The following NKAIN3 variants were observed in gnomAD, a reference collection of about 807,000 sequenced individuals.
NKAIN3 encodes sodium/potassium-transporting ATPase subunit beta-1-interacting protein 3.
NKAIN3 carries 25 observed loss-of-function variants against 30.2 expected under a neutral mutation model. The observed-to-expected ratio is 0.83, with a 90% CI of 0.60 to 1.16. The LOEUF (loss-of-function observed/expected upper bound fraction) is 1.16. Ranked by LOEUF, NKAIN3 falls within the 50% of genes most tolerant of loss-of-function variation. The probability of loss-of-function intolerance (pLI) is 0.00; values close to 1 mark genes in which losing one functional copy is unlikely to be tolerated. For synonymous variants in NKAIN3, 91 were observed against 89.6 expected, an observed-to-expected ratio of 1.02 and a Z score of -0.09; for missense variants, 225 against 254.1, an observed-to-expected ratio of 0.89 and a Z score of 0.78.
intron 4 of NKAIN3, among the ~76,000 whole-genome samples, chr8:62,764,029 A>T (rs971622661): frequency 6.6e-6 from 1 of 152,036 alleles, no homozygotes; most frequent in African/African-American, 2.4e-5. Context: ...CTGGTTAGGG[A>T]GGGGTTTACC....
chr8:62,539,928 C>G (rs1352005747), intron 1 of NKAIN3, among the ~76,000 whole-genome samples: 1 of 152,146 alleles, frequency 6.6e-6, no homozygotes, highest in African/African-American at 2.4e-5. Flanking sequence ...CAATCACTTT[C>G]AAACAAAAGG....
intron 3 of NKAIN3, among the ~76,000 whole-genome samples, chr8:62,610,201 C>T (rs151275686): frequency 5.4e-4 from 82 of 151,946 alleles, no homozygotes; most frequent in Non-Finnish European, 9.1e-4. Context: ...TAAGATTATC[C>T]GGGCATGGTG....
chr8:62,367,286 A>T (rs1313397761), intron 1 of NKAIN3, among the ~76,000 whole-genome samples: 1 of 152,200 alleles, frequency 6.6e-6, no homozygotes, highest in Non-Finnish European at 1.5e-5. Context: ...AAATAGGGTG[A>T]TGTCCCTGAT....
At chr8:62,942,514 TAAA>T (rs756452243) in intron 5 of NKAIN3, among the ~76,000 whole-genome samples, 10 of 112,870 alleles carry the variant, frequency 8.9e-5, no homozygotes, top group Non-Finnish European at 1.1e-4. Context: ...TTCACAGAAC[TAAA>T]AAAAAAAAAA....
intron 1 of NKAIN3, among the ~76,000 whole-genome samples, chr8:62,444,227 A>G (rs1585814698): frequency 6.6e-6 from 1 of 152,266 alleles, no homozygotes; most frequent in African/African-American, 2.4e-5. Context: ...TTAAAATTTT[A>G]TCTTTTCTTT....
intron 1 of NKAIN3, among the ~76,000 whole-genome samples, chr8:62,431,501 C>T (rs1804996723): frequency 6.6e-6 from 1 of 151,646 alleles, no homozygotes; most frequent in Non-Finnish European, 1.5e-5. Flanking sequence ...CGATAGTAAA[C>T]CAATATTATA....
At chr8:62,504,517 T>C (rs1482977602) in intron 1 of NKAIN3, among the ~76,000 whole-genome samples, 2 of 152,174 alleles carry the variant, frequency 1.3e-5, no homozygotes, top group Admixed American at 6.5e-5. Context: ...GTCATGTAGA[T>C]TCTGTTTCTC....
Position 62,307,162 on chromosome 8 carries a change from G to A in NKAIN3, c.54+58035G>A, listed in dbSNP as rs998230850. ...GTAGCTAAGCAGCTGGTATCTCCTG[G>A]TGACACTGACCACCCCATATGTGAC... is the stretch of plus-strand genomic sequence containing the variant. On this transcript the variant is annotated intron_variant, in intron 1 of 6. Transcript: ENST00000623646. Among the ~76,000 whole-genome samples, 29 of 148,978 alleles carry A rather than the reference G, an allele frequency of 1.9e-4. 2 individuals are homozygous for A. Among genetic ancestry groups the A allele is most frequent in the African/African-American group, 7.4e-4 (29 of 38,952 alleles).
Position 62,387,022 on chromosome 8 carries a change from G to A in NKAIN3, c.54+137895G>A, listed in dbSNP as rs193171468. Among the ~76,000 whole-genome samples, 10 of 152,254 alleles carry A rather than the reference G, an allele frequency of 6.6e-5. No homozygotes were observed. The East Asian group carries it at 1.9e-3, about 29-fold the overall frequency. ...ATTGGGATAAACATGAAAGGTCATA[G>A]TGACTATACTATAGTGTTTTATTAA... is the stretch of plus-strand genomic sequence containing the variant. On this transcript the variant is annotated intron_variant, in intron 1 of 6. Transcript: ENST00000623646.
intron 1 of NKAIN3, among the ~76,000 whole-genome samples, chr8:62,573,472 T>A (rs888544048): frequency 2.6e-5 from 4 of 152,144 alleles, no homozygotes; most frequent in Non-Finnish European, 5.9e-5. Flanking sequence ...GCTTTCGTTA[T>A]GTATATGATT....
chr8:62,689,279 A>C (rs1444736674), intron 3 of NKAIN3, among the ~76,000 whole-genome samples: 1 of 152,164 alleles, frequency 6.6e-6, no homozygotes, highest in Non-Finnish European at 1.5e-5. Context: ...CTATAGTCTC[A>C]TGCTTACTCT....
intron 1 of NKAIN3, among the ~76,000 whole-genome samples, chr8:62,410,119 A>G (rs1018121117): frequency 6.6e-6 from 1 of 150,720 alleles, no homozygotes; most frequent in Non-Finnish European, 1.5e-5. Flanking sequence ...CCCCCTCTGT[A>G]GTCTGCATTG....
chr8:62,453,291 AC>A (rs1240342949), intron 1 of NKAIN3, among the ~76,000 whole-genome samples: 1 of 152,200 alleles, frequency 6.6e-6, no homozygotes, highest in Non-Finnish European at 1.5e-5. Context: ...TTCTGGGTAA[AC>A]AATGAAATTA....
intron 3 of NKAIN3, among the ~76,000 whole-genome samples, chr8:62,735,262 A>G (rs1815609821): frequency 6.6e-6 from 1 of 152,154 alleles, no homozygotes; most frequent in East Asian, 1.9e-4. Context: ...GTTAGTTAAC[A>G]TAATCCCAAA....
intron 4 of NKAIN3, among the ~76,000 whole-genome samples, chr8:62,813,706 T>G (rs750247796): frequency 1.3e-5 from 2 of 151,904 alleles, no homozygotes; most frequent in Non-Finnish European, 2.9e-5. Context: ...GTGATAACAT[T>G]TTATTCCTTT....
chr8:62,914,339 A>T (rs1822015636), intron 4 of NKAIN3, among the ~76,000 whole-genome samples: 1 of 152,126 alleles, frequency 6.6e-6, no homozygotes, highest in African/African-American at 2.4e-5. Flanking sequence ...ACTGGGGCCT[A>T]CTTGAGGGTA....
rs1563942276 is a variant in NKAIN3, at chr8:62,345,356, CATATATGTATATAT to C, written c.54+96231_54+96244del. On this transcript the variant is annotated intron_variant, in intron 1 of 6. Coordinates refer to ENST00000623646, the MANE Select transcript of NKAIN3 (RefSeq NM_001304533.3). ...ATATGTATATATACACACATATACA[CATATATGTATATAT>C]ACACATATATGTATATATACACACA... 1.4e-3 allele frequency among the ~76,000 whole-genome samples: 14 copies of C among 9,774 alleles called. No homozygotes were observed. The South Asian group carries it at 0.021, about 15-fold the overall frequency. 6.4% of individuals were successfully genotyped at this position (9,774 alleles called of 152,430 possible).
At chr8:62,954,380 T>C (rs566790436) in intron 6 of NKAIN3, among the ~76,000 whole-genome samples, 10 of 152,304 alleles carry the variant, frequency 6.6e-5, no homozygotes, top group African/African-American at 2.4e-4. Flanking sequence ...CTCTGAGACT[T>C]GTTCTATCAC....
intron 1 of NKAIN3, among the ~76,000 whole-genome samples, chr8:62,508,146 T>A (rs1807700682): frequency 6.6e-6 from 1 of 152,162 alleles, no homozygotes; most frequent in Non-Finnish European, 1.5e-5. Flanking sequence ...AGAAAGTAGT[T>A]CTGTGAAAAC....
Sources: allele counts gnomAD v4.1 joint callset (sites outside exome capture counted in the v4.1 genomes callset), GRCh38; gene constraint gnomAD v4.1.1; transcripts MANE v1.5; gene names NCBI Gene and HGNC (gene_info 2026-07-23, HGNC 2026-07-21).